The following TMEM242 variants were observed in gnomAD, a reference collection of about 807,000 sequenced individuals.
TMEM242 encodes the protein transmembrane protein 242.
Under a neutral mutation model 18.2 loss-of-function variants are expected in TMEM242, and 10 were observed. The observed-to-expected ratio is 0.55, with a 90% CI of 0.34 to 0.93. The LOEUF (loss-of-function observed/expected upper bound fraction) is 0.93. Ranked by LOEUF, TMEM242 falls within the 40% of genes least tolerant of loss-of-function variation. The pLI is 0.02. For synonymous variants in TMEM242, 57 were observed against 69.9 expected (o/e 0.81, Z 0.92); for missense variants, 186 against 175.5 (o/e 1.06, Z -0.34).
chr6:157,311,639 T>G (rs1554248900), intron 3 of TMEM242, among the ~76,000 whole-genome samples: 1 of 116,692 alleles, frequency 8.6e-6, no homozygotes, highest in Admixed American at 8.8e-5. Flanking sequence ...CCTGGCCTCA[T>G]CATAGTGTCC....
chr6:157,293,740 A>G (rs1304100003), intron 3 of TMEM242, among the ~76,000 whole-genome samples: 1 of 152,004 alleles, frequency 6.6e-6, no homozygotes, highest in Non-Finnish European at 1.5e-5. Context: ...GCAAGGGAAC[A>G]AGAGATTTTT....
At chr6:157,318,642 G>A (rs1778445207) in intron 3 of TMEM242, 140 bp downstream of exon 3, 1 of 910,362 alleles carries the variant, frequency 1.1e-6, no homozygotes, top group Admixed American at 2.8e-5. Context: ...TTATTTGTAA[G>A]AATTTAGTCA....
intron 3 of TMEM242, among the ~76,000 whole-genome samples, chr6:157,317,050 C>T (rs183212274): frequency 1.6e-4 from 25 of 152,340 alleles, no homozygotes; most frequent in African/African-American, 5.8e-4. Context: ...ACCCTGCCAA[C>T]TTGCCCCAGT....
chr6:157,313,086 C>T (rs200581899), intron 3 of TMEM242, among the ~76,000 whole-genome samples: 39 of 149,104 alleles, frequency 2.6e-4, no homozygotes, highest in African/African-American at 9.4e-4. Flanking sequence ...ATGCACTCAC[C>T]TGGCCTCATC....
chr6:157,316,957 T>A (rs1471498368), intron 3 of TMEM242, among the ~76,000 whole-genome samples: 1 of 152,180 alleles, frequency 6.6e-6, no homozygotes, highest in African/African-American at 2.4e-5. Flanking sequence ...GTATTCTGAG[T>A]GGAAAGCACA....
chr6:157,313,574 AG>A (rs1778287300), intron 3 of TMEM242, among the ~76,000 whole-genome samples: 1 of 151,188 alleles, frequency 6.6e-6, no homozygotes, highest in African/African-American at 2.4e-5. Flanking sequence ...GCCTCATCAT[AG>A]TGTCCCAGTG....
At position 157,305,232 on chromosome 6, in the gene TMEM242, G is replaced by C. The variant is rs1554247828; in HGVS notation, c.328-12233C>G. Reference sequence around the variant, plus strand: ...TGTGGAGAGATGAAGGAGGCAGGCGGTGTTCAGCGGCAGAGCTGACAAGCA... The same window carrying C: ...TGTGGAGAGATGAAGGAGGCAGGCGCTGTTCAGCGGCAGAGCTGACAAGCA... On this transcript the variant is annotated intron_variant, in intron 3 of 3. Coordinates refer to ENST00000400788, the MANE Select transcript of TMEM242 (RefSeq NM_018452.6). This position sits in a 1 kb window ranked among gnomAD's most constrained non-coding sequence, Gnocchi z 4.1. Among the ~76,000 whole-genome samples the C allele has an allele frequency of 6.6e-6, 1 of 152,146 alleles. No homozygotes were observed. Among genetic ancestry groups the C allele is most frequent in the African/African-American group, 2.4e-5 (1 of 41,434 alleles).
chr6:157,314,969 G>C (rs1468669057), intron 3 of TMEM242, among the ~76,000 whole-genome samples: 2 of 152,138 alleles, frequency 1.3e-5, no homozygotes, highest in African/African-American at 4.8e-5. Flanking sequence ...TTCTATCAGA[G>C]ATTCAATTCA....
At chr6:157,310,708 C>G in intron 3 of TMEM242, among the ~76,000 whole-genome samples, 1 of 151,892 alleles carries the variant, frequency 6.6e-6, no homozygotes, top group East Asian at 1.9e-4. Context: ...CATAGTGCCC[C>G]AGTGTGCACT....
At position 157,317,408 on chromosome 6, in the gene TMEM242, G is replaced by A. The variant is rs587598653; in HGVS notation, c.327+1374C>T. 2.6e-5 allele frequency among the ~76,000 whole-genome samples: 4 copies of A among 152,296 alleles called. No homozygotes were observed. In the East Asian group the frequency reaches 5.8e-4, roughly 22 times the overall value. On this transcript the variant is annotated intron_variant, in intron 3 of 3. Coordinates refer to ENST00000400788, the MANE Select transcript of TMEM242 (RefSeq NM_018452.6). ...AGTGTTTTCTTCACCGGGTGTCCAA[G>A]TCACCAGGCCAAGGAGATTTCCCTC...
chr6:157,312,286 CAT>C, intron 3 of TMEM242, among the ~76,000 whole-genome samples: 1 of 151,402 alleles, frequency 6.6e-6, no homozygotes, highest in African/African-American at 2.4e-5. Context: ...CTAGCCTCAA[CAT>C]AGTGCCCCAG....
rs1029720646 is a variant in TMEM242 at position 157,291,783 on chromosome 6, T to C, written c.*1118A>G. 1 of 152,332 alleles carries C rather than the reference T, an allele frequency of 6.6e-6. No homozygotes were observed. Among genetic ancestry groups the C allele is most frequent in the African/African-American group, 2.4e-5 (1 of 41,582 alleles). The allele number at this position is 152,332 out of a possible 1,614,324, so 9.4% of individuals were successfully genotyped here. ...GTTTCATGATAACAGAAATTTCAAA[T>C]GTCCTTTATTAAACCTGATTGCTGA... On this transcript the variant is annotated 3_prime_UTR_variant, in exon 4 of 4. Transcript: ENST00000400788.
At position 157,292,600 on chromosome 6, in the gene TMEM242, T is replaced by G. The variant is rs75809029; in HGVS notation, c.*301A>C. The G allele has an allele frequency of 1.2e-5, 3 of 252,996 alleles. No homozygotes were observed. Among genetic ancestry groups the G allele is most frequent in the Non-Finnish European group, 2.2e-5 (3 of 134,522 alleles). 15.7% of individuals were successfully genotyped at this position (252,996 alleles called of 1,614,324 possible). A position where few individuals can be genotyped will look rare whatever the true frequency, so the allele number is the denominator to read the frequency against. The stretch of plus-strand genomic sequence containing the variant: ...ACTTTTATTATAAACTTTTTTAGTA[T>G]GAAATTTGCTTCAACTGTTACAAAC... On this transcript the variant is annotated 3_prime_UTR_variant, in exon 4 of 4. Transcript: ENST00000400788.
chr6:157,314,493 A>T (rs587656580), intron 3 of TMEM242, among the ~76,000 whole-genome samples: 1 of 152,358 alleles, frequency 6.6e-6, no homozygotes, highest in Non-Finnish European at 1.5e-5. Context: ...CAAATAATAA[A>T]ATACCATAGT....
intron 3 of TMEM242, chr6:157,318,214 C>T (rs1778438771): frequency 6.6e-6 from 1 of 152,238 alleles, no homozygotes; most frequent in Non-Finnish European, 1.5e-5. Context: ...TTGAACAAAT[C>T]GCTAATGTCA....
chr6:157,313,061 TCATAGGGTCCCAG>T (rs1562385827), intron 3 of TMEM242, among the ~76,000 whole-genome samples: 1 of 87,106 alleles, frequency 1.1e-5, no homozygotes, highest in African/African-American at 4.7e-5. Context: ...CCTGGCCTCA[TCATAGGGTCCCAG>T]TATGCACTCA....
Position 157,305,869 on chromosome 6 carries a change from C to T in TMEM242, c.328-12870G>A, listed in dbSNP as rs1777902344. On this transcript the variant is annotated intron_variant, in intron 3 of 3. Coordinates refer to ENST00000400788, the MANE Select transcript of TMEM242 (RefSeq NM_018452.6). The surrounding 1 kb of genome is among the most constrained non-coding windows in gnomAD (Gnocchi z 4.1). Reference sequence around the variant, plus strand: ...TAGCAGTTCCAGTGCAGCGCTGGGGCAAGGAGCTGGACTGAGAGCAGGAAG... The same window carrying T: ...TAGCAGTTCCAGTGCAGCGCTGGGGTAAGGAGCTGGACTGAGAGCAGGAAG... Among the ~76,000 whole-genome samples the T allele has an allele frequency of 6.6e-6, 1 of 152,060 alleles. No homozygotes were observed. The highest frequency in any genetic ancestry group is 1.5e-5 in the Non-Finnish European group (1 of 68,010).
intron 3 of TMEM242, among the ~76,000 whole-genome samples, chr6:157,307,087 C>T (rs1160180413): frequency 2.0e-5 from 3 of 152,130 alleles, no homozygotes; most frequent in Non-Finnish European, 2.9e-5. Flanking sequence ...TTGTAAGTGA[C>T]TAATCAATCA....
At chr6:157,303,534 C>T (rs1247630232) in intron 3 of TMEM242, among the ~76,000 whole-genome samples, 1 of 151,962 alleles carries the variant, frequency 6.6e-6, no homozygotes, top group Non-Finnish European at 1.5e-5. Flanking sequence ...TGCAGTAAAA[C>T]AAATATGCAG....
Sources: allele counts gnomAD v4.1 joint callset (sites outside exome capture counted in the v4.1 genomes callset), GRCh38; gene constraint gnomAD v4.1.1; non-coding constraint Gnocchi (gnomAD v3.1); transcripts MANE v1.5; gene names NCBI Gene and HGNC (gene_info 2026-07-23, HGNC 2026-07-21).